Variants in DHX29 observed in about 807,000 individuals in gnomAD.
The protein encoded by DHX29 is DExH-box helicase 29.
Under a neutral mutation model 167.9 loss-of-function variants are expected in DHX29, and 79 were observed. The ratio of observed to expected loss-of-function variants is 0.47; its 90% CI spans 0.39 to 0.57. DHX29 has a LOEUF of 0.57. DHX29 is among the 20% of genes least tolerant of loss of function. DHX29 has a pLI of 0.00. For synonymous variants in DHX29, 530 were observed against 546.0 expected, an observed-to-expected ratio of 0.97 and a Z score of 0.41; for missense variants, 1,347 against 1,593.4, an observed-to-expected ratio of 0.85 and a Z score of 2.63.
At position 55,276,247 on chromosome 5, in the gene DHX29, C is replaced by T. The variant is rs1271135279; in HGVS notation, c.2427+19G>A. 1.3e-6 allele frequency: 2 copies of T among 1,552,992 alleles called. No homozygotes were observed. The highest frequency in any genetic ancestry group is 1.7e-6 in the Non-Finnish European group (2 of 1,155,998). Reference sequence around the variant, plus strand: ...CTGGATATCATTATCTGATATCTTTCAAAATATTTTCTTTTTACCTGATAT... The same window carrying T: ...CTGGATATCATTATCTGATATCTTTTAAAATATTTTCTTTTTACCTGATAT... On this transcript the variant is annotated intron_variant, in intron 14 of 26. Coordinates refer to ENST00000251636, the MANE Select transcript of DHX29 (RefSeq NM_019030.4).
At chr5:55,271,287 A>G (rs1317711525) in intron 18 of DHX29, among the ~76,000 whole-genome samples, 2 of 152,206 alleles carry the variant, frequency 1.3e-5, no homozygotes, top group African/African-American at 2.4e-5. Context: ...AAATTCAGTT[A>G]CAGTTACCTA....
In DHX29 at chr5:55,294,238, A is replaced by C. The variant is rs557051724; in HGVS notation, c.652-93T>G. Reference sequence around the variant, plus strand: ...GCTTTTACAATTTCCTCACACTCAAAAGCAGCAGACATATAAGCTGTTATT... The same window carrying C: ...GCTTTTACAATTTCCTCACACTCAACAGCAGCAGACATATAAGCTGTTATT... On this transcript the variant is annotated intron_variant, in intron 5 of 26. Transcript: ENST00000251636. 9.1e-4 allele frequency: 1,135 copies of C among 1,251,438 alleles called. 17 individuals carry two copies. The South Asian group carries it at 0.016, about 18-fold the overall frequency. The allele number at this position is 1,251,438 out of a possible 1,614,324, so 77.5% of individuals were successfully genotyped here. A position where few individuals can be genotyped will look rare whatever the true frequency, so the allele number is the denominator to read the frequency against.
At position 55,272,169 on chromosome 5, in the gene DHX29, A is replaced by C. The variant is rs1746886465; in HGVS notation, c.2782T>G (p.Leu928Val). Residue 928 changes from leucine to valine, a missense_variant, in exon 18 of 27, where the codon TTA (leucine) becomes GTA (valine). Leu to Val is a conservative substitution (Grantham distance 32). Around this residue, in one of 3 missense-constraint regions of DHX29, gnomAD observed 882 missense variants for 1,082.4 expected, o/e 0.81. Transcript: ENST00000251636. Reference sequence around the variant, plus strand: ...CCCGTCTCTGCAATATTGGTTGCTAAAACAATCTGAAAATAAACAAAAAGC... The same window carrying C: ...CCCGTCTCTGCAATATTGGTTGCTACAACAATCTGAAAATAAACAAAAAGC... The part of the protein sequence containing the change: ...LPPPGVRKIV[L>V]ATNIAETGIT... 1 of 1,566,070 alleles carries C rather than the reference A, an allele frequency of 6.4e-7. No individual in the cohort carries two copies. The highest frequency in any genetic ancestry group is 1.2e-5 in the South Asian group (1 of 82,878).
intron 1 of DHX29, among the ~76,000 whole-genome samples, chr5:55,303,991 A>G (rs1313594682): frequency 6.6e-6 from 1 of 152,224 alleles, no homozygotes; most frequent in Non-Finnish European, 1.5e-5. Context: ...ATTTTCAGAA[A>G]CACAAGCCTC....
intron 21 of DHX29, 66 bp from the exon 22 acceptor site, chr5:55,267,888 A>AT: frequency 7.8e-7 from 1 of 1,284,878 alleles, no homozygotes; most frequent in Non-Finnish European, 1.0e-6. Flanking sequence ...AAGTTAACTT[A>AT]TAAAAGAAAG....
intron 6 of DHX29, among the ~76,000 whole-genome samples, chr5:55,292,411 T>C (rs762701175): frequency 5.3e-5 from 8 of 152,182 alleles, no homozygotes; most frequent in Non-Finnish European, 1.2e-4. Context: ...TCCTTTCCAA[T>C]TACCGATATG....
In DHX29 at chr5:55,295,468, G is replaced by C; in HGVS notation, c.562C>G (p.Pro188Ala). 6.2e-7 allele frequency: 1 copy of C among 1,613,796 alleles called. No individual in the cohort carries two copies. The highest frequency in any genetic ancestry group is 8.5e-7 in the Non-Finnish European group (1 of 1,179,792). ...EFEEQQPKSR[P>A]KFQSPQIQAT... is the part of the protein sequence containing the mutation. ...TGTATTTGAGGAGACTGAAATTTAG[G>C]CCTACTTTTAGGTTGCTGCTCTTCA... Residue 188 changes from proline (P) to alanine (A), a missense_variant, in exon 5 of 27, where the codon CCT becomes GCT. By Grantham distance (27) the Pro-to-Ala change is conservative. Transcript: ENST00000251636.
At chr5:55,266,023 G>A (rs1210252846) in intron 23 of DHX29, among the ~76,000 whole-genome samples, 3 of 149,956 alleles carry the variant, frequency 2.0e-5, no homozygotes, top group Non-Finnish European at 4.4e-5. Flanking sequence ...TTTTTGAGAC[G>A]GAGTCTCGTT....
chr5:55,287,843 G>T (rs1747817934), intron 8 of DHX29, among the ~76,000 whole-genome samples: 1 of 151,850 alleles, frequency 6.6e-6, no homozygotes, highest in Admixed American at 6.6e-5. Context: ...CAGCTACTGG[G>T]GAGCCTGAGG....
chr5:55,307,284 G>A, intron 1 of DHX29, 103 bp downstream of exon 1: 2 of 989,330 alleles, frequency 2.0e-6, no homozygotes, highest in South Asian at 1.6e-5. Context: ...TTGGGAAATA[G>A]AAATGTTGGG....
At chr5:55,303,219 A>T (rs1425426674) in intron 1 of DHX29, among the ~76,000 whole-genome samples, 5 of 152,146 alleles carry the variant, frequency 3.3e-5, no homozygotes, top group Admixed American at 2.0e-4. Context: ...CTAATGACCC[A>T]CTATGACTAA....
Position 55,294,127 on chromosome 5 carries a change from T to A in DHX29, c.670A>T (p.Asn224Tyr). The A allele has an allele frequency of 6.3e-7, 1 of 1,592,972 alleles. No homozygotes were observed. The highest frequency in any genetic ancestry group is 8.5e-7 in the Non-Finnish European group (1 of 1,173,474). ...CACTCTTTCATATTTACTTCCATAT[T>A]TTTTTCTTCCTTTTTTGGCTAGAAA... Reference protein sequence around the residue: ...PKSKPKKEEKNMEVNMKEWIL... With the variant: ...PKSKPKKEEKYMEVNMKEWIL... The change falls in exon 6 of 27, where the codon AAT becomes TAT. Residue 224 changes from asparagine (N) to tyrosine (Y), a missense_variant. By Grantham distance (143) the Asn-to-Tyr change is moderately radical (BLOSUM62 -2). This residue lies in a region of DHX29 where 405 missense variants were observed against 416.8 expected (regional missense o/e 0.97). Transcript: ENST00000251636.
intron 26 of DHX29, among the ~76,000 whole-genome samples, chr5:55,257,253 G>C (rs1043715229): frequency 6.6e-6 from 1 of 152,068 alleles, no homozygotes; most frequent in East Asian, 1.9e-4. Flanking sequence ...CAATTATCAG[G>C]GCTGCAAAAC....
At chr5:55,258,754 T>G (rs1403793441) in intron 26 of DHX29, among the ~76,000 whole-genome samples, 1 of 152,112 alleles carries the variant, frequency 6.6e-6, no homozygotes, top group African/African-American at 2.4e-5. Context: ...CATCTCCCTA[T>G]GTTACCGAGG....
chr5:55,259,826 TC>T (rs777551910), intron 26 of DHX29, 21 bp downstream of exon 26: 20 of 1,388,894 alleles, frequency 1.4e-5, no homozygotes, highest in East Asian at 6.9e-5. Flanking sequence ...ATATGGTCTT[TC>T]ACTTATAAGC....
At chr5:55,286,819 C>A (rs766263001) in intron 8 of DHX29, among the ~76,000 whole-genome samples, 1 of 152,184 alleles carries the variant, frequency 6.6e-6, no homozygotes, top group Non-Finnish European at 1.5e-5. Flanking sequence ...TAGAACATTT[C>A]CATCATTGAA....
In DHX29 at chr5:55,274,693, A is replaced by G; in HGVS notation, c.2611T>C (p.Leu871=). The G allele has an allele frequency of 1.3e-6, 2 of 1,599,550 alleles. No homozygotes were observed. Among genetic ancestry groups the G allele is most frequent in the South Asian group, 1.1e-5 (1 of 87,660 alleles). The change falls in exon 16 of 27, where the codon TTG becomes CTG. Residue 871 remains leucine, a synonymous_variant. Coordinates refer to ENST00000251636, the MANE Select transcript of DHX29 (RefSeq NM_019030.4). The part of the protein sequence containing the change: ...PQFRNIEGAV[L]IFLPGLAHIQ... ...TGAGCAAGTCCTGGTAAAAAGATCA[A>G]TACTGCTCCTTCAATATTTCTGAAT...
chr5:55,284,219 T>TA (rs1323727576), intron 10 of DHX29, among the ~76,000 whole-genome samples: 1 of 152,232 alleles, frequency 6.6e-6, no homozygotes, highest in African/African-American at 2.4e-5. Context: ...GTGAGGTGCT[T>TA]ATTCTCGGAA....
At chr5:55,259,789 G>GT in intron 26 of DHX29, 59 bp downstream of exon 26, 1 of 929,962 alleles carries the variant, frequency 1.1e-6, no homozygotes. Flanking sequence ...TTAATACATA[G>GT]GTATGTGTAC....
Sources: allele counts gnomAD v4.1 joint callset (sites outside exome capture counted in the v4.1 genomes callset), GRCh38; gene constraint gnomAD v4.1.1; regional missense constraint gnomAD v4.1.1; transcripts MANE v1.5; gene names NCBI Gene and HGNC (gene_info 2026-07-23, HGNC 2026-07-21).